ADGRD2: variants seen among roughly 807,000 people sequenced by gnomAD.
ADGRD2 encodes the protein G protein-coupled receptor PGR24.
In ADGRD2, 71 loss-of-function variants were observed where a neutral mutation model predicts 44.4. The observed-to-expected ratio is 1.60, with a 90% CI of 1.32 to 1.95. The LOEUF (loss-of-function observed/expected upper bound fraction) is 1.95, where lower values mean the gene tolerates loss of function less well. ADGRD2 is among the 30% of genes most tolerant of loss of function. ADGRD2 has a pLI of 0.00. For missense variants in ADGRD2, 1,039 were observed against 512.4 expected, an observed-to-expected ratio of 2.03 and a Z score of -9.92; for synonymous variants, 481 against 224.8, an observed-to-expected ratio of 2.14 and a Z score of -10.19.
In ADGRD2 at chr9:124,470,580, G is replaced by A. The variant is rs774804604; in HGVS notation, c.2726G>A (p.Trp909Ter). The A allele has an allele frequency of 1.7e-5, 12 of 708,946 alleles. No individual in the cohort carries two copies. The highest frequency in any genetic ancestry group is 1.6e-4 in the South Asian group (11 of 67,598). The allele number at this position is 708,946 out of a possible 1,614,324, so 43.9% of individuals were successfully genotyped here. The stretch of plus-strand genomic sequence containing the variant: ...ATCCTGGTGCACCTGAGCCCCGCCT[G>A]GGCCTACGCTGCCGTGGGCCTCAAC... The change falls in exon 17 of 22, where the codon TGG becomes TAG. Residue 909 changes from tryptophan to a stop codon, truncating the protein, a stop_gained. Transcript: ENST00000334810. LOFTEE classifies it high-confidence loss of function.
intron 17 of ADGRD2, among the ~76,000 whole-genome samples, chr9:124,472,594 A>C (rs1831969941): frequency 6.6e-5 from 10 of 151,130 alleles, no homozygotes; most frequent in Admixed American, 6.6e-4. Context: ...GTAACCTCTG[A>C]CTCCCAGGTT....
chr9:124,471,920 C>T (rs777168091), intron 17 of ADGRD2, among the ~76,000 whole-genome samples: 4 of 152,156 alleles, frequency 2.6e-5, no homozygotes, highest in African/African-American at 4.8e-5. Flanking sequence ...CCAAGCCCCA[C>T]GCCCCCCAGG....
chr9:124,476,103 T>C (rs192229279), intron 19 of ADGRD2, among the ~76,000 whole-genome samples: 595 of 152,054 alleles, frequency 3.9e-3, no homozygotes, highest in Middle Eastern at 0.024. Context: ...GTAAATGGGG[T>C]CGGGGCTCTG....
chr9:124,457,577 C>A (rs753991899), exon 8 of ADGRD2: 55 of 673,370 alleles, frequency 8.2e-5, no homozygotes, highest in Non-Finnish European at 1.2e-4. Context: ...CACATTCCTG[C>A]GAGTGAAGTG....
At chr9:124,468,525 T>C in exon 14 of ADGRD2, 1 of 718,536 alleles carries the variant, frequency 1.4e-6, no homozygotes, top group Non-Finnish European at 2.6e-6. Context: ...ACAGGTGGCA[T>C]GTGTGGCTGT....
At chr9:124,459,578 G>A (rs1485912213) in intron 10 of ADGRD2, among the ~76,000 whole-genome samples, 1 of 152,128 alleles carries the variant, frequency 6.6e-6, no homozygotes, top group African/African-American at 2.4e-5. Context: ...GCAACCATGG[G>A]TGGAAAATAT....
At chr9:124,476,104 C>T (rs1400569663) in intron 19 of ADGRD2, among the ~76,000 whole-genome samples, 1 of 152,050 alleles carries the variant, frequency 6.6e-6, no homozygotes, top group Admixed American at 6.5e-5. Flanking sequence ...TAAATGGGGT[C>T]GGGGCTCTGA....
At chr9:124,477,419 C>T (rs7869318) in intron 21 of ADGRD2, among the ~76,000 whole-genome samples, 3,161 of 152,326 alleles carry the variant, frequency 0.021, 113 homozygotes, top group African/African-American at 0.07. Flanking sequence ...GTTCACCAGG[C>T]CCCTCCCAGG....
At chr9:124,476,938 C>T in intron 21 of ADGRD2, 1 of 703,622 alleles carries the variant, frequency 1.4e-6, no homozygotes. Flanking sequence ...GAACCCTATT[C>T]TGAGCGGGCG....
chr9:124,457,544 G>A lies in ADGRD2; in HGVS notation c.1580G>A (p.Arg527His), dbSNP rs529747701. ...TGCTTATTCACAATGCCTGGTGGGC[G>A]TCCAGAGGGGCCCGGCCATATCCAC... is the stretch of plus-strand genomic sequence containing the variant. The change falls in exon 8 of 22, where the codon CGT (arginine) becomes CAT (histidine). Residue 527 changes from arginine to histidine, a missense_variant. Physicochemically the swap from Arg to His is conservative, Grantham distance 29. Transcript: ENST00000334810. The A allele has an allele frequency of 9.6e-5, 66 of 688,652 alleles. No homozygotes were observed. The East Asian group carries it at 1.3e-3, about 14-fold the overall frequency. The allele number at this position is 688,652 out of a possible 1,614,324, so 42.7% of individuals were successfully genotyped here.
intron 3 of ADGRD2, 64 bp from the exon 7 acceptor site, chr9:124,453,935 G>C (rs1217306353): frequency 3.3e-6 from 2 of 611,484 alleles, no homozygotes; most frequent in Admixed American, 5.8e-5. Context: ...CTAACCCCGG[G>C]GCCGTGCGTC....
intron 21 of ADGRD2, among the ~76,000 whole-genome samples, chr9:124,477,915 G>C (rs1268100202): frequency 2.0e-5 from 3 of 152,044 alleles, no homozygotes; most frequent in Non-Finnish European, 4.4e-5. Flanking sequence ...GCGTTGCTAG[G>C]GCCGCTCGTA....
At chr9:124,473,537 G>A (rs986829343) in intron 17 of ADGRD2, among the ~76,000 whole-genome samples, 6 of 152,210 alleles carry the variant, frequency 3.9e-5, no homozygotes, top group African/African-American at 1.4e-4. Flanking sequence ...GGAGCCCCAC[G>A]AGTGTGAGCT....
In ADGRD2 at chr9:124,453,392, CTG is replaced by C. The variant is rs1564137067; in HGVS notation, c.640_641del (p.Arg217GlyfsTer107). ...CTGTTCTCCGATGGGAGGCGGCGCG[CTG>C]GGGCGCGGGGGCTGGGCGCCGGCCA... is the stretch of plus-strand genomic sequence containing the variant. On this transcript the variant is annotated frameshift_variant, in exon 3 of 22. Transcript: ENST00000334810. LOFTEE classifies it high-confidence loss of function. The C allele has an allele frequency of 5.2e-6, 3 of 579,316 alleles. No individual in the cohort carries two copies. The East Asian group carries it at 1.0e-4, about 19-fold the overall frequency. The allele number at this position is 579,316 out of a possible 1,614,324, so 35.9% of individuals were successfully genotyped here. A position where few individuals can be genotyped will look rare whatever the true frequency, so the allele number is the denominator to read the frequency against.
In ADGRD2 at chr9:124,456,832, A is replaced by G. The variant is rs1831626879; in HGVS notation, c.1505+99A>G. 3 of 682,548 alleles carry G rather than the reference A, an allele frequency of 4.4e-6. No homozygotes were observed. In the Admixed American group the frequency reaches 6.1e-5, roughly 14 times the overall value. The allele number at this position is 682,548 out of a possible 1,614,324, so 42.3% of individuals were successfully genotyped here. Reference sequence around the variant, plus strand: ...TGAACTTCCACAGACACTCCATTCTATTTCCTGCCTTTGCCCATGCTGTGC... The same window carrying G: ...TGAACTTCCACAGACACTCCATTCTGTTTCCTGCCTTTGCCCATGCTGTGC... On this transcript the variant is annotated intron_variant, in intron 7 of 21. Coordinates refer to ENST00000334810, the Ensembl canonical transcript of ADGRD2.
Position 124,458,199 on chromosome 9 carries a change from G to T in ADGRD2, c.1729G>T (p.Ala577Ser), listed in dbSNP as rs1356940304. 5.6e-6 allele frequency: 4 copies of T among 718,374 alleles called. No individual in the cohort carries two copies. The African/African-American group carries it at 7.0e-5, about 13-fold the overall frequency. The allele number at this position is 718,374 out of a possible 1,614,324, so 44.5% of individuals were successfully genotyped here. The change falls in exon 9 of 22, where the codon GCC becomes TCC. Residue 577 changes from alanine (A) to serine (S), a missense_variant. Coordinates refer to ENST00000334810, the Ensembl canonical transcript of ADGRD2. ...AGAGGGACCGGACCTAGAGCCCCAG[G>T]CCCCTGCCAGCTCAGAGGAGGCAAA...
Position 124,458,609 on chromosome 9 carries a change from C to T in ADGRD2, c.1765-7C>T, listed in dbSNP as rs1329276674. 5.6e-6 allele frequency: 4 copies of T among 718,562 alleles called. No homozygotes were observed. In the South Asian group the frequency reaches 5.9e-5, roughly 11 times the overall value. 44.5% of individuals were successfully genotyped at this position (718,562 alleles called of 1,614,324 possible). A position where few individuals can be genotyped will look rare whatever the true frequency, so the allele number is the denominator to read the frequency against. On this transcript the variant is annotated splice_polypyrimidine_tract_variant and splice_region_variant and intron_variant, in intron 9 of 21. Transcript: ENST00000334810. ...GCCACCCTTGAAAGCTCCCATTCTTCCCACAGGTTCCTAAGCACCCAGGTG... is the reference window on the plus strand; with the variant it reads ...GCCACCCTTGAAAGCTCCCATTCTTTCCACAGGTTCCTAAGCACCCAGGTG...
intron 16 of ADGRD2, among the ~76,000 whole-genome samples, chr9:124,470,026 C>T (rs1019732537): frequency 4.6e-5 from 7 of 152,268 alleles, no homozygotes; most frequent in South Asian, 2.1e-4. Context: ...GGGACCCCAC[C>T]GGCCTTTCCC....
rs1443433062 is a variant in ADGRD2 at position 124,453,014 on chromosome 9, G to T, written c.282-21G>T. 4.7e-6 allele frequency: 3 copies of T among 636,404 alleles called. No homozygotes were observed. In the South Asian group the frequency reaches 5.3e-5, roughly 11 times the overall value. The allele number at this position is 636,404 out of a possible 1,614,324, so 39.4% of individuals were successfully genotyped here. On this transcript the variant is annotated intron_variant, in intron 2 of 21. Transcript: ENST00000334810. ...GTGCACAGGTGAGGAAACTGAGGTC[G>T]CAGCCCACGTGTCCCTGCAGGTGCG... is the stretch of plus-strand genomic sequence containing the variant.
Sources: gnomAD v4.1 joint callset for allele counts (sites outside exome capture counted in the v4.1 genomes callset) on GRCh38, gnomAD v4.1.1 for gene constraint, MANE v1.5 for transcripts, NCBI Gene and HGNC (gene_info 2026-07-23, HGNC 2026-07-21) for gene names.